PCCB: variants seen among roughly 807,000 people sequenced by gnomAD.
PCCB encodes the protein propionyl-CoA carboxylase beta chain, mitochondrial.
PCCB carries 43 observed loss-of-function variants against 60.7 expected under a neutral mutation model. The observed-to-expected ratio is 0.71, with a 90% CI of 0.55 to 0.91. The LOEUF (loss-of-function observed/expected upper bound fraction) is 0.91, where lower values mean the gene tolerates loss of function less well. Among genes scored for constraint, PCCB ranks in the 40% least tolerant of loss-of-function variants. The probability of loss-of-function intolerance (pLI) is 0.00; values close to 1 mark genes in which losing one functional copy is unlikely to be tolerated. For synonymous variants in PCCB, 276 were observed against 255.9 expected (o/e 1.08, Z -0.75); for missense variants, 766 against 702.8 (o/e 1.09, Z -1.02).
rs67922183 is a variant in PCCB, at chr3:136,284,317, T to TGTTTCA, written c.654+370_654+371insGTTTCA. The stretch of plus-strand genomic sequence containing the variant: ...ATCTGTTTATTGGGAAGTTGTTTCT[T>TGTTTCA]CCTTTATTTCTTCAGCTCCTTGCCA... On this transcript the variant is annotated intron_variant, in intron 6 of 14. Transcript: ENST00000251654. 0.78 allele frequency among the ~76,000 whole-genome samples: 118,764 copies of TGTTTCA among 151,638 alleles called. 46,607 individuals are homozygous for TGTTTCA. The highest frequency in any genetic ancestry group is 0.86 in the East Asian group (4,423 of 5,138).
At chr3:136,308,579 T>C (rs918579201) in intron 9 of PCCB, among the ~76,000 whole-genome samples, 4 of 152,216 alleles carry the variant, frequency 2.6e-5, no homozygotes, top group African/African-American at 9.7e-5. Context: ...CTAAATAACG[T>C]AATAGGTAGA....
At chr3:136,255,819 G>A (rs1941657848) in intron 1 of PCCB, 37 bp from the exon 2 acceptor site, 1 of 1,591,450 alleles carries the variant, frequency 6.3e-7, no homozygotes, top group Admixed American at 1.7e-5. Flanking sequence ...TAAATTGTCT[G>A]TGATGACATC....
intron 9 of PCCB, among the ~76,000 whole-genome samples, chr3:136,307,702 G>C (rs537992645): frequency 6.6e-6 from 1 of 152,126 alleles, no homozygotes; most frequent in Non-Finnish European, 1.5e-5. Flanking sequence ...CAGGCCAGGC[G>C]TGGTGGCTCA....
chr3:136,253,440 G>C (rs1271206515), intron 1 of PCCB, among the ~76,000 whole-genome samples: 1 of 151,360 alleles, frequency 6.6e-6, no homozygotes, highest in Admixed American at 6.6e-5. Flanking sequence ...GCTGGAGTGC[G>C]GTGGAGTGAT....
In PCCB at chr3:136,329,904, G is replaced by C. The variant is rs1935478339; in HGVS notation, c.1499-1G>C. 1 of 1,614,126 alleles carries C rather than the reference G, an allele frequency of 6.2e-7. No homozygotes were observed. Among genetic ancestry groups the C allele is most frequent in the Non-Finnish European group, 8.5e-7 (1 of 1,179,968 alleles). On this transcript the variant is annotated splice_acceptor_variant, in intron 14 of 14. Transcript: ENST00000251654. LOFTEE classifies it high-confidence loss of function. Reference sequence around the variant, plus strand: ...CCACTCCCTTTTCTGTGCTTCACCAGGGTTTGTGGATGACATCATCCAACC... The same window carrying C: ...CCACTCCCTTTTCTGTGCTTCACCACGGTTTGTGGATGACATCATCCAACC...
At chr3:136,327,060 G>T (rs1431677127) in intron 11 of PCCB, 95 bp from the exon 12 acceptor site, 7 of 1,242,550 alleles carry the variant, frequency 5.6e-6, no homozygotes, top group African/African-American at 1.5e-5. Flanking sequence ...GTAAGGAATG[G>T]CCCTCTCCAG....
At chr3:136,314,569 C>G (rs529148867) in intron 9 of PCCB, among the ~76,000 whole-genome samples, 1 of 152,042 alleles carries the variant, frequency 6.6e-6, no homozygotes, top group African/African-American at 2.4e-5. Flanking sequence ...GTGGGAAGAT[C>G]GCTTGAGCCT....
At chr3:136,255,827 A>G in intron 1 of PCCB, 29 bp from the exon 2 acceptor site, 2 of 1,604,322 alleles carry the variant, frequency 1.2e-6, no homozygotes, top group South Asian at 2.2e-5. Flanking sequence ...CTGTGATGAC[A>G]TCACTGAGTG....
chr3:136,266,486 A>T (rs1268074789), intron 5 of PCCB, among the ~76,000 whole-genome samples: 1 of 152,030 alleles, frequency 6.6e-6, no homozygotes, highest in Non-Finnish European at 1.5e-5. Flanking sequence ...CAGTGGCATG[A>T]TCACAGCTCA....
In PCCB at chr3:136,293,812, G is replaced by A. The variant is rs533935803; in HGVS notation, c.711G>A (p.Glu237=). 25 of 1,613,624 alleles carry A rather than the reference G, an allele frequency of 1.5e-5. No homozygotes were observed. The South Asian group carries it at 1.8e-4, about 11-fold the overall frequency. Residue 237 remains glutamate, a synonymous_variant, in exon 7 of 15, where the codon GAG becomes GAA. Transcript: ENST00000251654. ...GPDVVKSVTN[E]DVTQEELGGA... is the part of the protein sequence containing the mutation. ...ATGTTGTGAAGTCTGTCACCAATGAGGATGTTACCCAGGAGGAGCTCGGTG... is the reference window on the plus strand; with the variant it reads ...ATGTTGTGAAGTCTGTCACCAATGAAGATGTTACCCAGGAGGAGCTCGGTG...
At chr3:136,293,291 C>G (rs1933782225) in intron 6 of PCCB, among the ~76,000 whole-genome samples, 1 of 152,224 alleles carries the variant, frequency 6.6e-6, no homozygotes, top group East Asian at 1.9e-4. Flanking sequence ...ATGTGAGCCA[C>G]TGTAACCCAC....
At chr3:136,282,243 AT>A (rs1401526404) in intron 5 of PCCB, among the ~76,000 whole-genome samples, 5 of 152,156 alleles carry the variant, frequency 3.3e-5, no homozygotes, top group Admixed American at 1.3e-4. Flanking sequence ...GTTTACTGAA[AT>A]TTACTTGCTG....
intron 9 of PCCB, among the ~76,000 whole-genome samples, chr3:136,310,887 C>G (rs1269588118): frequency 6.6e-6 from 1 of 152,012 alleles, no homozygotes; most frequent in Non-Finnish European, 1.5e-5. Context: ...AACATCAATA[C>G]CTATTCCTGA....
At chr3:136,323,934 T>C (rs1023726431) in intron 10 of PCCB, among the ~76,000 whole-genome samples, 2 of 151,956 alleles carry the variant, frequency 1.3e-5, no homozygotes, top group Non-Finnish European at 2.9e-5. Flanking sequence ...AAATGGGGTA[T>C]TTATACATTA....
intron 8 of PCCB, among the ~76,000 whole-genome samples, chr3:136,299,744 AGG>A: frequency 7.5e-6 from 1 of 133,072 alleles, no homozygotes; most frequent in East Asian, 2.3e-4. Flanking sequence ...GTGTATGTAT[AGG>A]TATGCATGTG....
chr3:136,302,051 T>C (rs528155107), intron 9 of PCCB, among the ~76,000 whole-genome samples: 16 of 152,118 alleles, frequency 1.1e-4, no homozygotes, highest in Non-Finnish European at 1.9e-4. Flanking sequence ...CTCGCAACAG[T>C]GTGGGGAGTT....
At chr3:136,321,309 A>G (rs1181069744) in intron 10 of PCCB, among the ~76,000 whole-genome samples, 1 of 152,192 alleles carries the variant, frequency 6.6e-6, no homozygotes, top group Non-Finnish European at 1.5e-5. Flanking sequence ...CATATGTCCA[A>G]AATCCTGCAT....
chr3:136,266,241 G>T (rs1406821312), intron 5 of PCCB, among the ~76,000 whole-genome samples: 1 of 151,596 alleles, frequency 6.6e-6, no homozygotes, highest in Non-Finnish European at 1.5e-5. Flanking sequence ...TGATTGCCCT[G>T]CCTCTGCCTC....
chr3:136,326,034 G>A (rs1055131590), intron 10 of PCCB, among the ~76,000 whole-genome samples: 9 of 151,606 alleles, frequency 5.9e-5, no homozygotes, highest in African/African-American at 1.7e-4. Context: ...GGATGGTCTC[G>A]ATCTCTTGAC....
Sources: gnomAD v4.1 joint callset for allele counts (sites outside exome capture counted in the v4.1 genomes callset) on GRCh38, gnomAD v4.1.1 for gene constraint, MANE v1.5 for transcripts, NCBI Gene and HGNC (gene_info 2026-07-23, HGNC 2026-07-21) for gene names.